The following PHC2 variants were observed in gnomAD, a reference collection of about 807,000 sequenced individuals.
PHC2 encodes the protein polyhomeotic-like protein 2.
PHC2 carries 29 observed loss-of-function variants against 87.4 expected under a neutral mutation model. That is an observed-to-expected ratio of 0.33 (90% CI 0.25 to 0.45). The LOEUF (loss-of-function observed/expected upper bound fraction) is 0.45. Among genes scored for constraint, PHC2 ranks in the 20% least tolerant of loss-of-function variants. PHC2 has a pLI of 1.00. For synonymous variants in PHC2, 438 were observed against 461.7 expected (o/e 0.95, Z 0.66); for missense variants, 857 against 1,136.7 (o/e 0.75, Z 3.54).
At chr1:33,335,278 T>A in intron 9 of PHC2, 1 of 985,336 alleles carries the variant, frequency 1.0e-6, no homozygotes, top group Non-Finnish European at 1.2e-6. Context: ...CTTCTGTAAC[T>A]CTCTCCCGCC....
At position 33,323,674 on chromosome 1, in the gene PHC2, T is replaced by C. The variant is rs1646312892; in HGVS notation, c.*1191A>G. On this transcript the variant is annotated 3_prime_UTR_variant, in exon 15 of 15. Transcript: ENST00000683057. ...AAAAACAAAACAAAGGTTAAAAAAG[T>C]CCTTCATTTCCAACCCTGCCTGGGG... The C allele has an allele frequency of 6.6e-6, 1 of 152,654 alleles. No homozygotes were observed. Among genetic ancestry groups the C allele is most frequent in the African/African-American group, 2.4e-5 (1 of 41,454 alleles). 9.5% of individuals were successfully genotyped at this position (152,654 alleles called of 1,614,324 possible). A position where few individuals can be genotyped will look rare whatever the true frequency, so the allele number is the denominator to read the frequency against.
intron 1 of PHC2, among the ~76,000 whole-genome samples, chr1:33,430,613 G>A (rs1650872874): frequency 1.3e-5 from 2 of 152,030 alleles, no homozygotes; most frequent in Non-Finnish European, 2.9e-5. Flanking sequence ...AGTCACTGAC[G>A]GGACCTTGGC....
intron 1 of PHC2, among the ~76,000 whole-genome samples, chr1:33,429,891 T>C (rs960564441): frequency 6.6e-6 from 1 of 152,350 alleles, no homozygotes; most frequent in East Asian, 1.9e-4. Context: ...AGAAACTCTA[T>C]TGATATCACG....
chr1:33,343,737 A>G (rs1646792297), intron 9 of PHC2, among the ~76,000 whole-genome samples: 1 of 152,204 alleles, frequency 6.6e-6, no homozygotes, highest in African/African-American at 2.4e-5. Flanking sequence ...GGCCTCTTAC[A>G]GCCCCAGAGC....
Position 33,370,479 on chromosome 1 carries a change from T to G in PHC2, c.518A>C (p.Asn173Thr). ...GIAQQAVLLG[N>T]TSSPALTASQ... ...TGCAGTCAGGGCTGGGGAAGACGTG[T>G]TGCCCAAGAGCACAGCCTGCTGAGC... The change falls in exon 5 of 15, where the codon AAC becomes ACC. Residue 173 changes from asparagine (N) to threonine (T), a missense_variant. Physicochemically the swap from Asn to Thr is moderately conservative, Grantham distance 65 (BLOSUM62 0). This residue lies in a region of PHC2 where 832 missense variants were observed against 1,081.8 expected (regional missense o/e 0.77). Coordinates refer to ENST00000683057, the MANE Select transcript of PHC2 (RefSeq NM_001385109.1). 6.2e-7 allele frequency: 1 copy of G among 1,614,142 alleles called. No individual in the cohort carries two copies. Among genetic ancestry groups the G allele is most frequent in the South Asian group, 1.1e-5 (1 of 91,070 alleles).
intron 1 of PHC2, among the ~76,000 whole-genome samples, chr1:33,391,331 A>C (rs893005868): frequency 2.0e-5 from 3 of 152,202 alleles, no homozygotes; most frequent in African/African-American, 7.2e-5. Context: ...GGAGAAGAGG[A>C]AGATGATCTG....
chr1:33,354,469 A>G lies in PHC2; in HGVS notation c.1490T>C (p.Ile497Thr), dbSNP rs781485920. Residue 497 changes from isoleucine to threonine, a missense_variant, in exon 9 of 15, where the codon ATT becomes ACT. Ile to Thr is a moderately conservative substitution (Grantham distance 89). Transcript: ENST00000683057. ...RSGPSPHQQAIVTAMPGGLPV... is the reference protein window; with the variant it reads ...RSGPSPHQQATVTAMPGGLPV... ...CAGGCCACCAGGCATGGCAGTGACAATAGCCTGCTGATGTGGTGATGGGCC... is the reference window on the plus strand; with the variant it reads ...CAGGCCACCAGGCATGGCAGTGACAGTAGCCTGCTGATGTGGTGATGGGCC... 4 of 1,614,012 alleles carry G rather than the reference A, an allele frequency of 2.5e-6. No individual in the cohort carries two copies. The highest frequency in any genetic ancestry group is 1.3e-5 in the African/African-American group (1 of 74,916).
intron 1 of PHC2, among the ~76,000 whole-genome samples, chr1:33,405,680 T>G (rs1347120745): frequency 6.6e-6 from 1 of 152,226 alleles, no homozygotes; most frequent in East Asian, 1.9e-4. Flanking sequence ...TCCTCTAAGC[T>G]CAGCTTTATT....
intron 1 of PHC2, among the ~76,000 whole-genome samples, chr1:33,415,663 A>C (rs1362597962): frequency 2.0e-5 from 3 of 152,236 alleles, no homozygotes. Context: ...TTTTAGCCAG[A>C]AGAAAAAATA....
chr1:33,366,432 C>T (rs72658264), intron 7 of PHC2, among the ~76,000 whole-genome samples: 15,647 of 152,190 alleles, frequency 0.1, 1,063 homozygotes, highest in East Asian at 0.28. Flanking sequence ...GTGGATTCAT[C>T]GGACCTGCCT....
intron 1 of PHC2, among the ~76,000 whole-genome samples, chr1:33,405,808 TC>T (rs34075399): frequency 0.17 from 26,157 of 152,194 alleles, 2,773 homozygotes; most frequent in South Asian, 0.27. Flanking sequence ...TTTCTAGTCA[TC>T]TTTTTCTTAT....
chr1:33,329,294 T>C, intron 13 of PHC2, 148 bp from the exon 14 acceptor site: 2 of 725,370 alleles, frequency 2.8e-6, no homozygotes, highest in South Asian at 1.8e-5. Flanking sequence ...TGCTGTCCTG[T>C]CTCCTACCCT....
At chr1:33,361,341 T>C (rs1358209786) in intron 7 of PHC2, among the ~76,000 whole-genome samples, 1 of 152,190 alleles carries the variant, frequency 6.6e-6, no homozygotes, top group Non-Finnish European at 1.5e-5. Context: ...GTGAAGGTTT[T>C]TGTTTTTTGT....
intron 1 of PHC2, among the ~76,000 whole-genome samples, chr1:33,393,473 T>TTC (rs916293956): frequency 1.3e-5 from 2 of 151,124 alleles, no homozygotes; most frequent in Admixed American, 1.3e-4. Context: ...GTTTTTTTTT[T>TTC]TTTTTTTTTC....
intron 1 of PHC2, among the ~76,000 whole-genome samples, chr1:33,418,315 A>C (rs938341882): frequency 3.3e-5 from 5 of 152,070 alleles, no homozygotes; most frequent in African/African-American, 1.2e-4. Flanking sequence ...ACAATTGATA[A>C]ACCTCTAGCC....
chr1:33,425,452 A>G (rs1484650108), intron 1 of PHC2, among the ~76,000 whole-genome samples: 1 of 152,256 alleles, frequency 6.6e-6, no homozygotes, highest in Admixed American at 6.5e-5. Context: ...CATCTGTGAC[A>G]TTCAAGAAAT....
intron 1 of PHC2, among the ~76,000 whole-genome samples, chr1:33,423,150 A>C (rs1227717436): frequency 2.0e-5 from 3 of 152,126 alleles, no homozygotes; most frequent in East Asian, 3.9e-4. Flanking sequence ...CCTTACCTCC[A>C]ACTGCCTCTC....
intron 1 of PHC2, among the ~76,000 whole-genome samples, chr1:33,402,980 A>AT (rs1049560586): frequency 2.0e-5 from 3 of 149,960 alleles, no homozygotes; most frequent in African/African-American, 4.9e-5. Flanking sequence ...GACTTTTTAA[A>AT]TTTTTTTTAT....
chr1:33,341,995 A>T (rs1646754212), intron 9 of PHC2, among the ~76,000 whole-genome samples: 1 of 152,066 alleles, frequency 6.6e-6, no homozygotes, highest in Non-Finnish European at 1.5e-5. Flanking sequence ...TCTCTGAAGC[A>T]CCTCCTCTGA....
Sources: allele counts gnomAD v4.1 joint callset (sites outside exome capture counted in the v4.1 genomes callset), GRCh38; gene constraint gnomAD v4.1.1; regional missense constraint gnomAD v4.1.1; transcripts MANE v1.5; gene names NCBI Gene and HGNC (gene_info 2026-07-23, HGNC 2026-07-21).